GRIN3B: variants seen among roughly 807,000 people sequenced by gnomAD.
The protein encoded by GRIN3B is glutamate ionotropic receptor NMDA type subunit 3B, also known as glutamate receptor ionotropic, NMDA 3B.
A neutral mutation model predicts 66.0 loss-of-function variants in GRIN3B; 77 were observed. The ratio of observed to expected loss-of-function variants is 1.17; its 90% confidence interval spans 0.97 to 1.41. The LOEUF (loss-of-function observed/expected upper bound fraction) is 1.41. Among genes scored for constraint, GRIN3B ranks in the 40% most tolerant of loss-of-function variants. The pLI, the probability that GRIN3B is intolerant of heterozygous loss-of-function variation, is 0.00. For synonymous variants in GRIN3B, 823 were observed against 749.7 expected (o/e 1.10, Z -1.60); for missense variants, 1,787 against 1,564.5 (o/e 1.14, Z -2.40).
rs1322031427 is a variant in GRIN3B at position 1,003,502 on chromosome 19, A to T, written c.799A>T (p.Lys267Ter). The T allele has an allele frequency of 6.5e-7, 1 of 1,535,340 alleles. No individual in the cohort carries two copies. Among genetic ancestry groups the T allele is most frequent in the Non-Finnish European group, 8.7e-7 (1 of 1,145,758 alleles). The change falls in exon 2 of 9, where the codon AAG (lysine) becomes TAG (stop). Residue 267 changes from lysine to a stop codon, truncating the protein, a stop_gained. Coordinates refer to ENST00000234389, the MANE Select transcript of GRIN3B (RefSeq NM_138690.3). LOFTEE classifies it high-confidence loss of function. ...GCTGTTGGGGACACCACTGCCGCCC[A>T]AGGCCCTGCCCACCGCGGGGCTGCC... Reference protein sequence around the residue: ...HWLLGTPLPPKALPTAGLPPG... With the variant: ...HWLLGTPLPP
rs1366103266 is a variant in GRIN3B, at chr19:1,003,418, G to A, written c.715G>A (p.Gly239Ser). 120 of 1,547,520 alleles carry A rather than the reference G, an allele frequency of 7.8e-5. No individual in the cohort carries two copies. Among genetic ancestry groups the A allele is most frequent in the Non-Finnish European group, 9.5e-5 (109 of 1,151,866 alleles). The part of the protein sequence containing the change: ...EAPVPAAVLL[G>S]CDIARARRVL... ...ACCGGTACCCGCGGCGGTCCTCCTCGGCTGTGACATCGCCCGTGCCCGTCG... is the reference window on the plus strand; with the variant it reads ...ACCGGTACCCGCGGCGGTCCTCCTCAGCTGTGACATCGCCCGTGCCCGTCG... Residue 239 changes from glycine to serine, a missense_variant, in exon 2 of 9, where the codon GGC (glycine) becomes AGC (serine). Transcript: ENST00000234389.
chr19:1,009,438 A>T lies in GRIN3B; in HGVS notation c.2968A>T (p.Ile990Phe). ...PGELQELERR[I>F]EVARERLRQA... ...GGAGCTGCAGGAGCTGGAGCGCCGC[A>T]TCGAAGTCGCGCGTGAGCGGCTCCG... is the stretch of plus-strand genomic sequence containing the variant. Residue 990 changes from isoleucine to phenylalanine, a missense_variant, in exon 9 of 9, where the codon ATC (isoleucine) becomes TTC (phenylalanine). Ile to Phe is a conservative substitution (Grantham distance 21). Transcript: ENST00000234389. The T allele has an allele frequency of 6.8e-7, 1 of 1,462,166 alleles. No individual in the cohort carries two copies. The highest frequency in any genetic ancestry group is 9.0e-7 in the Non-Finnish European group (1 of 1,113,592). The allele number at this position is 1,462,166 out of a possible 1,614,324, so 90.6% of individuals were successfully genotyped here.
At position 1,003,164 on chromosome 19, in the gene GRIN3B, C is replaced by T. The variant is rs766108668; in HGVS notation, c.461C>T (p.Pro154Leu). The T allele has an allele frequency of 1.3e-6, 2 of 1,489,700 alleles. No individual in the cohort carries two copies. Among genetic ancestry groups the T allele is most frequent in the Non-Finnish European group, 8.9e-7 (1 of 1,122,520 alleles). 92.3% of individuals were successfully genotyped at this position (1,489,700 alleles called of 1,614,324 possible). The change falls in exon 2 of 9, where the codon CCC (proline) becomes CTC (leucine). Residue 154 changes from proline to leucine, a missense_variant. Transcript: ENST00000234389. ...PFHLQLHWAS[P>L]LETLLDVLVA... ...CACCTGCAGCTGCACTGGGCCAGCC[C>T]CCTGGAGACGCTGCTGGATGTGCTG...
At chr19:1,008,586 A>T (rs1395313119) in intron 6 of GRIN3B, 32 bp from the exon 7 acceptor site, 1 of 1,581,950 alleles carries the variant, frequency 6.3e-7, no homozygotes, top group East Asian at 2.3e-5. Flanking sequence ...CCATTACGTG[A>T]CCGTGCGGGG....
intron 5 of GRIN3B, 26 bp from the exon 6 acceptor site, chr19:1,008,114 C>T: frequency 1.9e-6 from 3 of 1,575,806 alleles, no homozygotes; most frequent in East Asian, 2.3e-5. Flanking sequence ...CCCACCTGGC[C>T]CCACCGCCTG....
chr19:1,003,030 A>G, intron 1 of GRIN3B, 100 bp from the exon 2 acceptor site: 4 of 783,630 alleles, frequency 5.1e-6, no homozygotes, highest in Non-Finnish European at 5.8e-6. Flanking sequence ...AGGTGCAGCC[A>G]TCCAGCTGGC....
chr19:1,008,028 A>G, intron 5 of GRIN3B, 57 bp downstream of exon 5: 1 of 1,588,742 alleles, frequency 6.3e-7, no homozygotes, highest in South Asian at 1.1e-5. Context: ...TCCTGGGGGC[A>G]GTGGGGAGCC....
rs1296720184 is a variant in GRIN3B at position 1,007,124 on chromosome 19, G to A, written c.2053-504G>A. 1.3e-5 allele frequency among the ~76,000 whole-genome samples: 2 copies of A among 152,172 alleles called. No individual in the cohort carries two copies. The highest frequency in any genetic ancestry group is 4.8e-5 in the African/African-American group (2 of 41,428). On this transcript the variant is annotated intron_variant, in intron 3 of 8. Coordinates refer to ENST00000234389, the MANE Select transcript of GRIN3B (RefSeq NM_138690.3). This position sits in a 1 kb window ranked among gnomAD's most constrained non-coding sequence, Gnocchi z 4.4. ...CCAACCTGGGTAGGAGCTGTGGAGG[G>A]GTGAGCAGTGGGCAGTTCCCTGTGT...
chr19:1,005,644 T>G lies in GRIN3B; in HGVS notation c.2052+91T>G. The G allele has an allele frequency of 9.9e-7, 1 of 1,007,628 alleles. No homozygotes were observed. The highest frequency in any genetic ancestry group is 1.4e-6 in the Non-Finnish European group (1 of 700,734). The allele number at this position is 1,007,628 out of a possible 1,614,324, so 62.4% of individuals were successfully genotyped here. ...TGGGGCAGGGGTGGTCAGCTGGACG[T>G]GGAGGACGTCCACTAGGCCAACTCT... On this transcript the variant is annotated intron_variant, in intron 3 of 8. Coordinates refer to ENST00000234389, the MANE Select transcript of GRIN3B (RefSeq NM_138690.3). This position sits in a 1 kb window ranked among gnomAD's most constrained non-coding sequence, Gnocchi z 5.2.
At chr19:1,008,803 G>A (rs533865664) in intron 7 of GRIN3B, 21 bp downstream of exon 7, 2 of 1,595,128 alleles carry the variant, frequency 1.3e-6, no homozygotes, top group African/African-American at 1.3e-5. Context: ...GGTGGGCGGC[G>A]GGCGGCCCCA....
At chr19:1,001,532 C>T (rs2038684426) in intron 1 of GRIN3B, among the ~76,000 whole-genome samples, 1 of 151,856 alleles carries the variant, frequency 6.6e-6, no homozygotes, top group Non-Finnish European at 1.5e-5. Flanking sequence ...TGACTGGGTT[C>T]TGGGGTCCCT....
In GRIN3B at chr19:1,005,585, T is replaced by C. The variant is rs775448846; in HGVS notation, c.2052+32T>C. The C allele has an allele frequency of 1.1e-5, 16 of 1,510,480 alleles. No homozygotes were observed. The highest frequency in any genetic ancestry group is 1.4e-5 in the Non-Finnish European group (16 of 1,124,382). 93.6% of individuals were successfully genotyped at this position (1,510,480 alleles called of 1,614,324 possible). A position where few individuals can be genotyped will look rare whatever the true frequency, so the allele number is the denominator to read the frequency against. ...GGCCTCGGGGGGCTGCGGGTGGCCT[T>C]GGGGGGCTAGCGGTGGCCCCGGGCT... On this transcript the variant is annotated intron_variant, in intron 3 of 8. Coordinates refer to ENST00000234389, the MANE Select transcript of GRIN3B (RefSeq NM_138690.3). This position sits in a 1 kb window ranked among gnomAD's most constrained non-coding sequence, Gnocchi z 5.2.
At chr19:1,008,106 C>A in intron 5 of GRIN3B, 34 bp from the exon 6 acceptor site, 1 of 1,572,048 alleles carries the variant, frequency 6.4e-7, no homozygotes, top group Non-Finnish European at 8.6e-7. Flanking sequence ...GGGGCTGTCC[C>A]ACCTGGCCCC....
intron 1 of GRIN3B, chr19:1,002,834 A>C: frequency 3.2e-6 from 1 of 316,518 alleles, no homozygotes; most frequent in East Asian, 4.9e-5. Context: ...GTTGGTGGGC[A>C]TAGAGAGAGA....
rs768071466 is a variant in GRIN3B, at chr19:1,004,694, C to T, written c.1193C>T (p.Pro398Leu). The change falls in exon 3 of 9, where the codon CCG becomes CTG. Residue 398 changes from proline to leucine, a missense_variant. Transcript: ENST00000234389. ...CGGGACGGCCAGCTGGACTTGGAACCGGGAGGTGCCTCTGCACGGCCCCCG... is the reference window on the plus strand; with the variant it reads ...CGGGACGGCCAGCTGGACTTGGAACTGGGAGGTGCCTCTGCACGGCCCCCG... ...SWRDGQLDLE[P>L]GGASARPPPP... 33 of 1,602,012 alleles carry T rather than the reference C, an allele frequency of 2.1e-5. No homozygotes were observed. The highest frequency in any genetic ancestry group is 4.0e-5 in the African/African-American group (3 of 74,544).
intron 3 of GRIN3B, among the ~76,000 whole-genome samples, chr19:1,006,002 TCAAAAAA>T (rs1016159656): frequency 1.3e-5 from 2 of 151,934 alleles, no homozygotes; most frequent in Non-Finnish European, 2.9e-5. Context: ...AGACTCCGTC[TCAAAAAA>T]CAAAAAACAA....
rs908706307 is a variant in GRIN3B at position 1,009,651 on chromosome 19, G to A, written c.*49G>A. ...TCAAGACACACACACAGCGCAGTGA[G>A]CCGCTGTCAACAGACAGTTTATTCT... On this transcript the variant is annotated 3_prime_UTR_variant, in exon 9 of 9. Coordinates refer to ENST00000234389, the MANE Select transcript of GRIN3B (RefSeq NM_138690.3). The A allele has an allele frequency of 1.5e-6, 2 of 1,321,526 alleles. No individual in the cohort carries two copies. The highest frequency in any genetic ancestry group is 1.5e-5 in the African/African-American group (1 of 64,530). 81.9% of individuals were successfully genotyped at this position (1,321,526 alleles called of 1,614,324 possible).
chr19:1,009,195 C>T lies in GRIN3B; in HGVS notation c.2725C>T (p.Gln909Ter), dbSNP rs1568394530. The T allele has an allele frequency of 6.8e-7, 1 of 1,475,840 alleles. No individual in the cohort carries two copies. Among genetic ancestry groups the T allele is most frequent in the Non-Finnish European group, 8.9e-7 (1 of 1,124,622 alleles). The allele number at this position is 1,475,840 out of a possible 1,614,324, so 91.4% of individuals were successfully genotyped here. A position where few individuals can be genotyped will look rare whatever the true frequency, so the allele number is the denominator to read the frequency against. Residue 909 changes from glutamine (Q) to a stop codon, truncating the protein, a stop_gained, in exon 9 of 9, where the codon CAG (glutamine) becomes TAG (stop). Coordinates refer to ENST00000234389, the MANE Select transcript of GRIN3B (RefSeq NM_138690.3). LOFTEE classifies it low-confidence loss of function (END_TRUNC). ...EPSGPEVEQQ[Q>*]QQQDQPTAPE... ...CAGCGGCCCCGAGGTGGAGCAGCAG[C>T]AGCAGCAGCAGGACCAGCCAACGGC...
At chr19:1,003,028 C>G in intron 1 of GRIN3B, 102 bp from the exon 2 acceptor site, 1 of 755,990 alleles carries the variant, frequency 1.3e-6, no homozygotes, top group Non-Finnish European at 2.0e-6. Context: ...GGAGGTGCAG[C>G]CATCCAGCTG....
Sources: gnomAD v4.1 joint callset for allele counts (sites outside exome capture counted in the v4.1 genomes callset) on GRCh38, gnomAD v4.1.1 for gene constraint, Gnocchi (gnomAD v3.1) non-coding constraint, MANE v1.5 for transcripts, NCBI Gene and HGNC (gene_info 2026-07-23, HGNC 2026-07-21) for gene names.